Variants in HCFC2 observed in about 807,000 individuals in gnomAD.
HCFC2 encodes host cell factor C2.
A neutral mutation model predicts 89.2 loss-of-function variants in HCFC2; 18 were observed. That is an observed-to-expected ratio of 0.20 (90% CI 0.14 to 0.30). HCFC2 has a LOEUF of 0.30. Among genes scored for constraint, HCFC2 ranks in the 10% least tolerant of loss-of-function variants. The pLI, the probability that HCFC2 is intolerant of heterozygous loss-of-function variation, is 1.00. For missense variants in HCFC2, 578 were observed against 956.1 expected, an observed-to-expected ratio of 0.60 and a Z score of 5.21; for synonymous variants, 308 against 335.7, an observed-to-expected ratio of 0.92 and a Z score of 0.90.
chr12:104,080,210 G>A (rs1883642332), intron 4 of HCFC2, among the ~76,000 whole-genome samples: 1 of 152,140 alleles, frequency 6.6e-6, no homozygotes, highest in South Asian at 2.1e-4. Flanking sequence ...GGCACCCTAA[G>A]CACACTTATT....
chr12:104,089,371 C>G (rs1883958307), intron 9 of HCFC2, among the ~76,000 whole-genome samples: 1 of 152,062 alleles, frequency 6.6e-6, no homozygotes. Context: ...AAAAAATTAG[C>G]CGGGCATGGT....
rs759068056 is a variant in HCFC2, at chr12:104,086,843, A to G, written c.1064-4A>G. The stretch of plus-strand genomic sequence containing the variant: ...AAATGTATAATATCATGATTGTTCT[A>G]TAGAGAAACCACCGGCACCATCTCA... On this transcript the variant is annotated splice_region_variant and splice_polypyrimidine_tract_variant and intron_variant, in intron 7 of 14. Transcript: ENST00000229330. 5 of 1,613,008 alleles carry G rather than the reference A, an allele frequency of 3.1e-6. No individual in the cohort carries two copies. Among genetic ancestry groups the G allele is most frequent in the South Asian group, 1.1e-5 (1 of 91,050 alleles).
chr12:104,099,308 G>T (rs1485192426), intron 13 of HCFC2, among the ~76,000 whole-genome samples: 1 of 152,076 alleles, frequency 6.6e-6, no homozygotes, highest in Non-Finnish European at 1.5e-5. Context: ...CTCCCATCAG[G>T]TCCTACCTCC....
At chr12:104,069,864 G>A (rs1883266608) in intron 3 of HCFC2, among the ~76,000 whole-genome samples, 1 of 151,784 alleles carries the variant, frequency 6.6e-6, no homozygotes, top group Admixed American at 6.6e-5. Context: ...TGCAACCCCC[G>A]ATATGCCCTG....
At chr12:104,078,272 A>T (rs1434212877) in intron 3 of HCFC2, among the ~76,000 whole-genome samples, 1 of 152,200 alleles carries the variant, frequency 6.6e-6, no homozygotes, top group Non-Finnish European at 1.5e-5. Flanking sequence ...AAGTGCTGGG[A>T]TTACAGGCGT....
chr12:104,091,170 G>T (rs1366190411), intron 9 of HCFC2, among the ~76,000 whole-genome samples: 8 of 152,172 alleles, frequency 5.3e-5, no homozygotes, highest in Admixed American at 4.6e-4. Flanking sequence ...TCACTTGAGC[G>T]ATACCGTAGC....
intron 14 of HCFC2, 125 bp downstream of exon 14, chr12:104,102,278 A>C (rs2029963119): frequency 1.2e-6 from 1 of 820,982 alleles, no homozygotes; most frequent in Admixed American, 2.6e-5. Flanking sequence ...AAAAGGATGG[A>C]TTTAAAGTTT....
Position 104,095,736 on chromosome 12 carries a change from C to G in HCFC2, c.1666+173C>G, listed in dbSNP as rs1166095164. 6.6e-6 allele frequency among the ~76,000 whole-genome samples: 1 copy of G among 152,102 alleles called. No individual in the cohort carries two copies. Among genetic ancestry groups the G allele is most frequent in the African/African-American group, 2.4e-5 (1 of 41,416 alleles). On this transcript the variant is annotated intron_variant, in intron 11 of 14. Transcript: ENST00000229330. The surrounding 1 kb of genome is among the most constrained non-coding windows in gnomAD (Gnocchi z 4.2). ...TTGACCTAAATTTAACTTTTAGAAT[C>G]TTTAAGAATTCTTTTTAGTTTTTGT...
In HCFC2 at chr12:104,066,357, T is replaced by C. The variant is rs750653800; in HGVS notation, c.312+42T>C. Reference sequence around the variant, plus strand: ...TTGTTTCATTCTGAGGCTTTAATAATGATATTGTTCATAATTTTTCAAAAG... The same window carrying C: ...TTGTTTCATTCTGAGGCTTTAATAACGATATTGTTCATAATTTTTCAAAAG... On this transcript the variant is annotated intron_variant, in intron 2 of 14. Transcript: ENST00000229330. The C allele has an allele frequency of 4.2e-6, 6 of 1,444,582 alleles. No homozygotes were observed. The African/African-American group carries it at 7.3e-5, about 17-fold the overall frequency. The allele number at this position is 1,444,582 out of a possible 1,614,324, so 89.5% of individuals were successfully genotyped here.
chr12:104,089,162 A>T (rs1316047879), intron 9 of HCFC2, among the ~76,000 whole-genome samples: 1 of 151,988 alleles, frequency 6.6e-6, no homozygotes, highest in African/African-American at 2.4e-5. Flanking sequence ...TATTTTCCAT[A>T]TGTGTTTGGT....
intron 10 of HCFC2, 72 bp downstream of exon 10, chr12:104,093,635 A>C (rs1260186296): frequency 7.5e-7 from 1 of 1,333,632 alleles, no homozygotes; most frequent in Non-Finnish European, 1.0e-6. Flanking sequence ...TTGAAAAAGT[A>C]AATGTTGTAC....
intron 3 of HCFC2, 85 bp from the exon 4 acceptor site, chr12:104,079,360 A>C (rs1403433588): frequency 2.7e-6 from 3 of 1,098,714 alleles, no homozygotes; most frequent in Non-Finnish European, 2.6e-6. Flanking sequence ...CACAGTAAGC[A>C]CATTTTATCT....
chr12:104,082,914 A>G lies in HCFC2; in HGVS notation c.1063+13A>G. The G allele has an allele frequency of 6.4e-7, 1 of 1,570,608 alleles. No individual in the cohort carries two copies. On this transcript the variant is annotated intron_variant, in intron 7 of 14. Coordinates refer to ENST00000229330, the MANE Select transcript of HCFC2 (RefSeq NM_013320.3). ...TATCTTGATACTGGTAGGTAAGAAT[A>G]TTTAACAAATAAACTTTTTCCTTTA...
At chr12:104,096,312 A>G in intron 11 of HCFC2, 48 bp from the exon 12 acceptor site, 2 of 1,265,740 alleles carry the variant, frequency 1.6e-6, no homozygotes, top group Non-Finnish European at 2.2e-6. Context: ...ATTTTAATGT[A>G]TCTGATAAGT....
Position 104,088,027 on chromosome 12 carries a change from G to A in HCFC2, c.1273G>A (p.Val425Ile), listed in dbSNP as rs140444104. The A allele has an allele frequency of 2.6e-5, 41 of 1,604,168 alleles. No homozygotes were observed. The highest frequency in any genetic ancestry group is 9.4e-5 in the African/African-American group (7 of 74,450). ...DPHRQGSNNI[V>I]PNSINDTINS... ...TCACAGACAAGGCAGTAATAACATC[G>A]TTCCTAACAGTGTAAGTAAAAAAGT... Residue 425 changes from valine to isoleucine, a missense_variant, in exon 9 of 15, where the codon GTT (valine) becomes ATT (isoleucine). Physicochemically the swap from Val to Ile is conservative, Grantham distance 29. This residue lies in a region of HCFC2 where 210 missense variants were observed against 251.7 expected (regional missense o/e 0.83). Transcript: ENST00000229330.
intron 3 of HCFC2, among the ~76,000 whole-genome samples, chr12:104,077,573 A>G (rs952900121): frequency 7.0e-6 from 1 of 143,124 alleles, no homozygotes; most frequent in African/African-American, 2.6e-5. Flanking sequence ...TTTTTAAACT[A>G]TCTTATTAAC....
chr12:104,102,210 T>A, intron 14 of HCFC2, 57 bp downstream of exon 14: 1 of 1,413,478 alleles, frequency 7.1e-7, no homozygotes, highest in Non-Finnish European at 9.7e-7. Context: ...ATTTCACATG[T>A]GAAGTAAACT....
At chr12:104,069,802 T>G (rs190925313) in intron 3 of HCFC2, among the ~76,000 whole-genome samples, 246 of 152,240 alleles carry the variant, frequency 1.6e-3, no homozygotes, top group African/African-American at 5.4e-3. Context: ...ATCTAGGTTT[T>G]AAGCCCCGCA....
intron 12 of HCFC2, 26 bp downstream of exon 12, chr12:104,096,459 C>T: frequency 6.9e-7 from 1 of 1,457,220 alleles, no homozygotes; most frequent in Non-Finnish European, 9.6e-7. Context: ...GGTGATGATG[C>T]ATGTTTACAC....
Sources: allele counts gnomAD v4.1 joint callset (sites outside exome capture counted in the v4.1 genomes callset), GRCh38; gene constraint gnomAD v4.1.1; regional missense constraint gnomAD v4.1.1; non-coding constraint Gnocchi (gnomAD v3.1); transcripts MANE v1.5; gene names NCBI Gene and HGNC (gene_info 2026-07-23, HGNC 2026-07-21).